DAG1: variants seen among roughly 807,000 people sequenced by gnomAD.
The protein encoded by DAG1 is dystroglycan 1 (dystrophin-associated glycoprotein 1).
Under a neutral mutation model 46.1 loss-of-function variants are expected in DAG1, and 8 were observed. The observed-to-expected ratio is 0.17, with a 90% CI of 0.10 to 0.31. The LOEUF (loss-of-function observed/expected upper bound fraction) is 0.31, where lower values mean the gene tolerates loss of function less well. Among genes scored for constraint, DAG1 ranks in the 10% least tolerant of loss-of-function variants. The pLI is 1.00. For synonymous variants in DAG1, 495 were observed against 481.8 expected (o/e 1.03, Z -0.36); for missense variants, 1,003 against 1,189.9 (o/e 0.84, Z 2.31).
intron 1 of DAG1, among the ~76,000 whole-genome samples, chr3:49,474,583 T>A (rs2049623044): frequency 6.6e-6 from 1 of 152,042 alleles, no homozygotes. Context: ...TGACCTCAGG[T>A]GATCCACTCT....
chr3:49,469,769 T>G (rs2049457077), upstream of DAG1, among the ~76,000 whole-genome samples: 1 of 152,254 alleles, frequency 6.6e-6, no homozygotes, highest in Non-Finnish European at 1.5e-5. Context: ...CTGATTGTTC[T>G]CATGGCTTAG....
At chr3:49,475,113 T>C (rs2049642910) in intron 1 of DAG1, among the ~76,000 whole-genome samples, 2 of 148,298 alleles carry the variant, frequency 1.3e-5, no homozygotes, top group African/African-American at 5.0e-5. Flanking sequence ...TGCCCGGTTT[T>C]TTTTTTTTAA....
intron 1 of DAG1, among the ~76,000 whole-genome samples, chr3:49,478,293 A>G (rs1412255824): frequency 1.1e-4 from 16 of 150,350 alleles, no homozygotes; most frequent in African/African-American, 3.2e-4. Context: ...AAAAAAAGAA[A>G]AAAAAGTGGA....
chr3:49,496,758 C>T (rs1418542079), intron 1 of DAG1, among the ~76,000 whole-genome samples: 3 of 151,804 alleles, frequency 2.0e-5, no homozygotes, highest in African/African-American at 7.3e-5. Flanking sequence ...TCCTGAGTAG[C>T]TGGGACTACA....
At chr3:49,517,421 TTCCCTC>T in intron 2 of DAG1, among the ~76,000 whole-genome samples, 1 of 152,198 alleles carries the variant, frequency 6.6e-6, no homozygotes, top group East Asian at 1.9e-4. Flanking sequence ...TTTAGAAGAC[TTCCCTC>T]GTAGTTGTCT....
intron 1 of DAG1, among the ~76,000 whole-genome samples, chr3:49,476,079 TAGA>T (rs2049676384): frequency 6.6e-6 from 1 of 152,128 alleles, no homozygotes; most frequent in Non-Finnish European, 1.5e-5. Flanking sequence ...GATGCATTAG[TAGA>T]AGATCATAAA....
chr3:49,495,108 G>A (rs1394919335), intron 1 of DAG1, among the ~76,000 whole-genome samples: 2 of 152,052 alleles, frequency 1.3e-5, no homozygotes, highest in African/African-American at 2.4e-5. Context: ...GGAACCATTG[G>A]CATCCAGCCT....
chr3:49,527,712 A>AT (rs752563414), intron 2 of DAG1, among the ~76,000 whole-genome samples: 40 of 152,062 alleles, frequency 2.6e-4, no homozygotes, highest in Non-Finnish European at 5.6e-4. Flanking sequence ...AAAAAAAAAA[A>AT]GTGCCCTTGT....
intron 1 of DAG1, among the ~76,000 whole-genome samples, chr3:49,498,747 T>C (rs1484012322): frequency 6.6e-6 from 1 of 151,916 alleles, no homozygotes; most frequent in Non-Finnish European, 1.5e-5. Flanking sequence ...AGGTTCTTGC[T>C]GTGTCACCCA....
upstream of DAG1, chr3:49,470,131 C>A (rs2106663648): frequency 6.6e-6 from 1 of 151,418 alleles, no homozygotes; most frequent in South Asian, 2.1e-4. Flanking sequence ...GCGGCCGACG[C>A]AGGCAGAAGC....
intron 1 of DAG1, among the ~76,000 whole-genome samples, chr3:49,484,220 T>G (rs2049957101): frequency 1.3e-5 from 2 of 152,158 alleles, no homozygotes; most frequent in Non-Finnish European, 2.9e-5. Context: ...CCTAAAACAT[T>G]GTGTTTGCAA....
intron 1 of DAG1, among the ~76,000 whole-genome samples, chr3:49,479,628 C>CTTT (rs71080522): frequency 4.2e-5 from 2 of 47,190 alleles, no homozygotes; most frequent in African/African-American, 1.9e-4. Flanking sequence ...TATAACATTT[C>CTTT]TTTTTTTTTT....
chr3:49,480,194 C>T (rs980672228), intron 1 of DAG1, among the ~76,000 whole-genome samples: 2 of 150,524 alleles, frequency 1.3e-5, no homozygotes, highest in African/African-American at 2.4e-5. Context: ...CCTCGTAATC[C>T]ACCTGCCTTG....
chr3:49,478,802 C>CTTTTTTTTTTTTTTTTTTTT (rs201202889), intron 1 of DAG1, among the ~76,000 whole-genome samples: 4 of 76,000 alleles, frequency 5.3e-5, no homozygotes, highest in Non-Finnish European at 7.3e-5. Context: ...CGTCCCCTCC[C>CTTTTTTTTTTTTTTTTTTTT]TTTTTTTTTT....
intron 2 of DAG1, among the ~76,000 whole-genome samples, chr3:49,520,508 G>A (rs537176618): frequency 2.0e-5 from 3 of 152,302 alleles, no homozygotes; most frequent in South Asian, 2.1e-4. Context: ...CTGAAAGGTC[G>A]GGAATTGATG....
At chr3:49,485,850 A>G (rs1013046380) in intron 1 of DAG1, among the ~76,000 whole-genome samples, 4 of 151,634 alleles carry the variant, frequency 2.6e-5, no homozygotes, top group African/African-American at 9.7e-5. Flanking sequence ...TTGTAGATAC[A>G]TGGTCTTGTT....
intron 1 of DAG1, among the ~76,000 whole-genome samples, chr3:49,496,117 T>G (rs1280693370): frequency 2.6e-5 from 4 of 152,108 alleles, no homozygotes; most frequent in Non-Finnish European, 4.4e-5. Flanking sequence ...TCTTCTGAAG[T>G]CTAATTGGTG....
At chr3:49,498,695 C>G (rs1208208971) in intron 1 of DAG1, among the ~76,000 whole-genome samples, 1 of 134,086 alleles carries the variant, frequency 7.5e-6, no homozygotes, top group East Asian at 2.0e-4. Flanking sequence ...ATCCCATTTT[C>G]TTTATTATTA....
chr3:49,510,539 G>A lies in DAG1; in HGVS notation c.5G>A (p.Arg2Lys). The A allele has an allele frequency of 6.2e-7, 1 of 1,613,178 alleles. No homozygotes were observed. Among genetic ancestry groups the A allele is most frequent in the Non-Finnish European group, 8.5e-7 (1 of 1,179,996 alleles). Residue 2 changes from arginine (R) to lysine (K), a missense_variant, in exon 2 of 3, where the codon AGG becomes AAG. Coordinates refer to ENST00000308775, the MANE Select transcript of DAG1 (RefSeq NM_004393.6). Reference sequence around the variant, plus strand: ...TTGAGCAAACTTGGACCTGGGATGAGGATGTCTGTGGGCCTCTCGCTGCTG... The same window carrying A: ...TTGAGCAAACTTGGACCTGGGATGAAGATGTCTGTGGGCCTCTCGCTGCTG... M[R>K]MSVGLSLLLP...
Sources: allele counts gnomAD v4.1 joint callset (sites outside exome capture counted in the v4.1 genomes callset), GRCh38; gene constraint gnomAD v4.1.1; transcripts MANE v1.5; gene names NCBI Gene and HGNC (gene_info 2026-07-23, HGNC 2026-07-21).